Variants in TXNRD2 observed in about 807,000 individuals in gnomAD.
The protein encoded by TXNRD2 is thioredoxin reductase 2, mitochondrial.
Under a neutral mutation model 70.8 loss-of-function variants are expected in TXNRD2, and 67 were observed. That is an observed-to-expected ratio of 0.95 (90% CI 0.78 to 1.16). The LOEUF is 1.16. TXNRD2 is among the 50% of genes most tolerant of loss of function. TXNRD2 has a pLI of 0.00. For missense variants in TXNRD2, 644 were observed against 719.9 expected (o/e 0.89, Z 1.21); for synonymous variants, 301 against 295.8 (o/e 1.02, Z -0.18).
At chr22:19,889,408 C>T (rs566482674) in intron 11 of TXNRD2, among the ~76,000 whole-genome samples, 62 of 151,982 alleles carry the variant, frequency 4.1e-4, no homozygotes, top group Non-Finnish European at 6.3e-4. Flanking sequence ...GTCAGGAGTT[C>T]GAGACCAGCC....
At chr22:19,910,339 C>T (rs903107672) in intron 8 of TXNRD2, among the ~76,000 whole-genome samples, 2 of 152,204 alleles carry the variant, frequency 1.3e-5, no homozygotes, top group African/African-American at 4.8e-5. Context: ...TGCTAGATTT[C>T]AGGGAAACCC....
intron 8 of TXNRD2, among the ~76,000 whole-genome samples, chr22:19,901,567 T>C (rs936984529): frequency 4.6e-5 from 7 of 152,232 alleles, no homozygotes; most frequent in Non-Finnish European, 1.0e-4. Context: ...GATCAAATTA[T>C]GTGAATGTTT....
At position 19,907,496 on chromosome 22, in the gene TXNRD2, C is replaced by T. The variant is rs796954773; in HGVS notation, c.662+3881G>A. Among the ~76,000 whole-genome samples, 156 of 24,404 alleles carry T rather than the reference C, an allele frequency of 6.4e-3. 6 individuals carry two copies. The highest frequency in any genetic ancestry group is 0.02 in the East Asian group (10 of 498). 16.0% of individuals were successfully genotyped at this position (24,404 alleles called of 152,430 possible). ...CGCTCTCAGGAGAGTGTGGGTGCAC[C>T]GTGGGTAGCAGTGACCGCTCTCAGG... On this transcript the variant is annotated intron_variant, in intron 8 of 17. Coordinates refer to ENST00000400521, the MANE Select transcript of TXNRD2 (RefSeq NM_006440.5).
At chr22:19,928,812 G>A (rs1941249190) in intron 2 of TXNRD2, among the ~76,000 whole-genome samples, 1 of 151,942 alleles carries the variant, frequency 6.6e-6, no homozygotes, top group African/African-American at 2.4e-5. Flanking sequence ...TTCGAGACCA[G>A]CTTGACAAAC....
chr22:19,888,736 G>A lies in TXNRD2; in HGVS notation c.950-5275C>T, dbSNP rs193215640. 1.1e-3 allele frequency among the ~76,000 whole-genome samples: 160 copies of A among 152,302 alleles called. 3 individuals are homozygous for A. The South Asian group carries it at 0.014, about 13-fold the overall frequency. ...GGCCACCTGGCGACTGTCTCATGAGGCATGTGGCCCCCAGAGCCAGCCACC... is the reference window on the plus strand; with the variant it reads ...GGCCACCTGGCGACTGTCTCATGAGACATGTGGCCCCCAGAGCCAGCCACC... On this transcript the variant is annotated intron_variant, in intron 11 of 17. Transcript: ENST00000400521.
chr22:19,883,266 G>A (rs1938864400), intron 12 of TXNRD2, 59 bp downstream of exon 12: 8 of 1,594,558 alleles, frequency 5.0e-6, no homozygotes, highest in South Asian at 2.2e-5. Flanking sequence ...GGAGCCCAGC[G>A]AGCAGGGGTG....
intron 2 of TXNRD2, among the ~76,000 whole-genome samples, chr22:19,920,753 C>T (rs984022884): frequency 2.6e-5 from 4 of 152,186 alleles, no homozygotes; most frequent in Admixed American, 6.5e-5. Flanking sequence ...GTGTTTGATT[C>T]GTGGCTATTA....
At chr22:19,909,696 TCACACACACCACACACACCACGCACACA>T (rs2146017395) in intron 8 of TXNRD2, among the ~76,000 whole-genome samples, 1 of 65,986 alleles carries the variant, frequency 1.5e-5, no homozygotes, top group African/African-American at 6.1e-5. Flanking sequence ...CACACACTGC[TCACACACACCACACACACCACGCACACA>T]CACCACTCAC....
chr22:19,886,448 G>A (rs1203757755), intron 11 of TXNRD2, among the ~76,000 whole-genome samples: 7 of 152,250 alleles, frequency 4.6e-5, no homozygotes, highest in African/African-American at 1.4e-4. Flanking sequence ...CCCTGCAGGA[G>A]GTTGGACGAC....
At chr22:19,877,995 G>T in intron 16 of TXNRD2, 95 bp downstream of exon 16, 3 of 1,066,506 alleles carry the variant, frequency 2.8e-6, no homozygotes, top group Non-Finnish European at 4.3e-6. Flanking sequence ...CATAAATGCC[G>T]CAAGAGTGGC....
intron 11 of TXNRD2, among the ~76,000 whole-genome samples, chr22:19,888,627 C>T (rs149792812): frequency 6.6e-5 from 10 of 152,208 alleles, no homozygotes; most frequent in African/African-American, 1.4e-4. Flanking sequence ...AAGCACTGCG[C>T]CTGAGGACGA....
intron 8 of TXNRD2, among the ~76,000 whole-genome samples, chr22:19,907,059 G>C (rs149586631): frequency 2.3e-5 from 2 of 87,950 alleles, no homozygotes; most frequent in Admixed American, 3.3e-4. Context: ...GAGTGTGGGC[G>C]CCGTGGATAG....
intron 13 of TXNRD2, 115 bp downstream of exon 13, chr22:19,880,505 ACG>A: frequency 1.0e-6 from 1 of 963,720 alleles, no homozygotes; most frequent in South Asian, 1.4e-5. Flanking sequence ...GCGCACACAC[ACG>A]CATGCCCACA....
At chr22:19,923,543 T>C (rs1464379895) in intron 2 of TXNRD2, among the ~76,000 whole-genome samples, 1 of 152,150 alleles carries the variant, frequency 6.6e-6, no homozygotes, top group African/African-American at 2.4e-5. Flanking sequence ...TCCCAGCATT[T>C]TGGGAGGCCG....
Position 19,898,051 on chromosome 22 carries a change from G to A in TXNRD2, c.762C>T (p.Arg254=), listed in dbSNP as rs180876642. 1,714 of 1,557,794 alleles carry A rather than the reference G, an allele frequency of 1.1e-3. 4 individuals are homozygous for A. The highest frequency in any genetic ancestry group is 1.6e-3 in the East Asian group (68 of 41,330). The change falls in exon 10 of 18, where the codon CGC becomes CGT. Residue 254 remains arginine, a synonymous_variant. Transcript: ENST00000400521. The part of the protein sequence containing the change: ...TTIMMRSIPL[R]GFDQQMSSMV... ...CCTCCAGCACTACCTGGTCGAAGCC[G>A]CGGAGGGGGATGCTGCGCATCATGA...
intron 2 of TXNRD2, among the ~76,000 whole-genome samples, chr22:19,927,910 A>G (rs16982760): frequency 0.037 from 5,591 of 152,090 alleles, 359 homozygotes; most frequent in African/African-American, 0.13. Flanking sequence ...TCTCAATAAA[A>G]CTATTCTAAA....
chr22:19,876,875 C>A (rs879538562), intron 17 of TXNRD2, 165 bp downstream of exon 17: 17 of 474,112 alleles, frequency 3.6e-5, no homozygotes, highest in Non-Finnish European at 4.6e-5. Context: ...TGGGAACTTC[C>A]CCTTCTGCCT....
intron 8 of TXNRD2, among the ~76,000 whole-genome samples, chr22:19,905,203 T>TA (rs1939953380): frequency 2.6e-5 from 4 of 152,106 alleles, no homozygotes; most frequent in Admixed American, 1.3e-4. Context: ...GCTTAATTTT[T>TA]AAAAAAACCA....
chr22:19,894,292 G>C (rs142323352), intron 11 of TXNRD2: 5 of 152,264 alleles, frequency 3.3e-5, no homozygotes, highest in Admixed American at 6.5e-5. Context: ...ACAGAGCTCA[G>C]TTTGGAGATA....
Sources: allele counts gnomAD v4.1 joint callset (sites outside exome capture counted in the v4.1 genomes callset), GRCh38; gene constraint gnomAD v4.1.1; transcripts MANE v1.5; gene names NCBI Gene and HGNC (gene_info 2026-07-23, HGNC 2026-07-21).